RAD51AP2: variants seen among roughly 807,000 people sequenced by gnomAD.
RAD51AP2 encodes RAD51 associated protein 2.
RAD51AP2 carries 67 observed loss-of-function variants against 85.5 expected under a neutral mutation model. That is an observed-to-expected ratio of 0.78 (90% confidence interval 0.64 to 0.96). The LOEUF (loss-of-function observed/expected upper bound fraction) is 0.96, where lower values mean the gene tolerates loss of function less well. RAD51AP2 is among the 40% of genes least tolerant of loss of function. RAD51AP2 has a pLI of 0.00. For missense variants in RAD51AP2, 1,307 were observed against 1,332.4 expected (o/e 0.98, Z 0.30); for synonymous variants, 474 against 446.5 (o/e 1.06, Z -0.78).
chr2:17,532,958 T>C, the RAD51AP2 span, among the ~76,000 whole-genome samples: 1 of 152,226 alleles, frequency 6.6e-6, no homozygotes, highest in Non-Finnish European at 1.5e-5. Flanking sequence ...CAAGTGCTGT[T>C]TGACAATACT....
intron 2 of RAD51AP2, among the ~76,000 whole-genome samples, chr2:17,512,326 T>C (rs1046669257): frequency 5.3e-5 from 8 of 152,206 alleles, no homozygotes; most frequent in African/African-American, 1.9e-4. Flanking sequence ...ATTAACCCCA[T>C]TCCCCAGTAT....
chr2:17,511,811 A>C (rs1662501292), intron 2 of RAD51AP2, among the ~76,000 whole-genome samples: 1 of 152,224 alleles, frequency 6.6e-6, no homozygotes. Flanking sequence ...ATACAGAATT[A>C]AGCTACATGT....
the RAD51AP2 span, among the ~76,000 whole-genome samples, chr2:17,532,774 A>G: frequency 2.6e-5 from 4 of 152,216 alleles, no homozygotes; most frequent in Admixed American, 2.0e-4. Context: ...TGCATATGAA[A>G]AGTTATTAAT....
At chr2:17,518,695 C>A (rs10190213), upstream of RAD51AP2, among the ~76,000 whole-genome samples, 4,204 of 151,642 alleles carry the variant, frequency 0.028, 179 homozygotes, top group African/African-American at 0.096. Context: ...CTATTTTTAG[C>A]GCCTTTTTCT....
In RAD51AP2 at chr2:17,516,596, C is replaced by T. The variant is rs1285440472; in HGVS notation, c.1820G>A (p.Cys607Tyr). 5 of 1,579,488 alleles carry T rather than the reference C, an allele frequency of 3.2e-6. No individual in the cohort carries two copies. Among genetic ancestry groups the T allele is most frequent in the Non-Finnish European group, 4.3e-6 (5 of 1,165,090 alleles). The stretch of plus-strand genomic sequence containing the variant: ...CAAATAAAGCATGCACTTGAAAATG[C>T]ATTCCTCTTCTAATTCAAAATCATT... ...IENDFELEEE[C>Y]IFKCMLYLKY... The change falls in exon 1 of 3, where the codon TGC becomes TAC. Residue 607 changes from cysteine to tyrosine, a missense_variant. By Grantham distance (194) the Cys-to-Tyr change is radical. Coordinates refer to ENST00000399080, the MANE Select transcript of RAD51AP2 (RefSeq NM_001099218.3).
chr2:17,527,276 A>G, the RAD51AP2 span, among the ~76,000 whole-genome samples: 5 of 152,212 alleles, frequency 3.3e-5, no homozygotes, highest in African/African-American at 9.6e-5. Context: ...GAAGGGAGGA[A>G]CAAGGGAAGG....
chr2:17,516,146 T>C lies in RAD51AP2; in HGVS notation c.2270A>G (p.Asn757Ser). Reference protein sequence around the residue: ...GYINENFYEVNMHSQDLNMER... With the variant: ...GYINENFYEVSMHSQDLNMER... ...CATATTTAAATCTTGGCTGTGCATA[T>C]TTACTTCATAAAAATTTTCATTAAT... Residue 757 changes from asparagine (N) to serine (S), a missense_variant, in exon 1 of 3, where the codon AAT becomes AGT. By Grantham distance (46) the Asn-to-Ser change is conservative (BLOSUM62 1). This residue lies in a region of RAD51AP2 where 668 missense variants were observed against 671.0 expected (regional missense o/e 1.00). Transcript: ENST00000399080. 2 of 1,613,050 alleles carry C rather than the reference T, an allele frequency of 1.2e-6. No individual in the cohort carries two copies. Among genetic ancestry groups the C allele is most frequent in the Non-Finnish European group, 1.7e-6 (2 of 1,179,584 alleles).
Position 17,517,222 on chromosome 2 carries a change from G to T in RAD51AP2, c.1194C>A (p.Asn398Lys), listed in dbSNP as rs768229345. 6.2e-7 allele frequency: 1 copy of T among 1,613,410 alleles called. No individual in the cohort carries two copies. Among genetic ancestry groups the T allele is most frequent in the Non-Finnish European group, 8.5e-7 (1 of 1,179,808 alleles). ...RLEKSQNWDC[N>K]VRHILRRNRG... ...TATTTCTTCTCAAAATATGTCTAAC[G>T]TTACAGTCCCAGTTTTGAGATTTTT... The change falls in exon 1 of 3, where the codon AAC (asparagine) becomes AAA (lysine). Residue 398 changes from asparagine (N) to lysine (K), a missense_variant. Physicochemically the swap from Asn to Lys is moderately conservative, Grantham distance 94 (BLOSUM62 0). This residue lies in a region of RAD51AP2 where 635 missense variants were observed against 643.6 expected (regional missense o/e 0.99). Transcript: ENST00000399080.
At chr2:17,512,513 C>T (rs1662521191) in intron 2 of RAD51AP2, among the ~76,000 whole-genome samples, 1 of 152,206 alleles carries the variant, frequency 6.6e-6, no homozygotes. Flanking sequence ...GGCAGAATCA[C>T]ATTGTTATAT....
At chr2:17,518,533 A>G, upstream of RAD51AP2, 1 of 1,349,342 alleles carries the variant, frequency 7.4e-7, no homozygotes, top group South Asian at 1.4e-5. Flanking sequence ...CCTTAGCCTA[A>G]TCTCAGGGTT....
rs200406177 is a variant in RAD51AP2 at position 17,510,863 on chromosome 2, T to C, written c.3421A>G (p.Lys1141Glu). 1.2e-6 allele frequency: 2 copies of C among 1,609,096 alleles called. No individual in the cohort carries two copies. The highest frequency in any genetic ancestry group is 3.4e-5 in the Admixed American group (2 of 59,642). ...RIGLSRKARI[K>E]QLHPYLKQMC... ...TGTTTCAGATAAGGATGAAGTTGTTTAATCCTTGCTTTTCTTGACAAACCA... is the reference window on the plus strand; with the variant it reads ...TGTTTCAGATAAGGATGAAGTTGTTCAATCCTTGCTTTTCTTGACAAACCA... Residue 1141 changes from lysine to glutamate, a missense_variant, in exon 3 of 3, where the codon AAA (lysine) becomes GAA (glutamate). By Grantham distance (56) the Lys-to-Glu change is moderately conservative. Coordinates refer to ENST00000399080, the MANE Select transcript of RAD51AP2 (RefSeq NM_001099218.3).
the RAD51AP2 span, among the ~76,000 whole-genome samples, chr2:17,526,012 A>G: frequency 6.6e-6 from 1 of 152,002 alleles, no homozygotes; most frequent in Non-Finnish European, 1.5e-5. Context: ...AAAAGGTAAG[A>G]AAGAGAAGCA....
At chr2:17,513,288 A>C (rs1572291485) in intron 2 of RAD51AP2, among the ~76,000 whole-genome samples, 1 of 128,252 alleles carries the variant, frequency 7.8e-6, no homozygotes, top group Non-Finnish European at 1.6e-5. Flanking sequence ...CCCAGGCTGG[A>C]GTGCAGTGGC....
chr2:17,537,119 A>G, the RAD51AP2 span, among the ~76,000 whole-genome samples: 2 of 152,218 alleles, frequency 1.3e-5, no homozygotes, highest in Admixed American at 1.3e-4. Context: ...CAGGAGTTTC[A>G]GACCAGCCTG....
At chr2:17,525,525 A>T in the RAD51AP2 span, among the ~76,000 whole-genome samples, 1 of 152,094 alleles carries the variant, frequency 6.6e-6, no homozygotes, top group African/African-American at 2.4e-5. Flanking sequence ...TCTCAAAGAT[A>T]ATTATGCCCT....
At chr2:17,519,594 C>G (rs541250119), upstream of RAD51AP2, among the ~76,000 whole-genome samples, 2 of 152,218 alleles carry the variant, frequency 1.3e-5, no homozygotes, top group South Asian at 2.1e-4. Context: ...AAGATGTTCA[C>G]CAGTTTCATG....
the RAD51AP2 span, among the ~76,000 whole-genome samples, chr2:17,530,557 C>A: frequency 3.9e-5 from 5 of 127,624 alleles, no homozygotes; most frequent in African/African-American, 1.6e-4. Flanking sequence ...CTGGATCCAG[C>A]CTGGGAAATA....
chr2:17,518,155 G>A lies in RAD51AP2; in HGVS notation c.261C>T (p.Asp87=). ...CACTGACTGATTTCTCCACACACGA[G>A]TCTGTGGAGTTATCGAAAATAGCAT... The part of the protein sequence containing the change: ...STNAIFDNST[D]SCVEKSVSGK... Residue 87 remains aspartate (D), a synonymous_variant, in exon 1 of 3, where the codon GAC becomes GAT. Transcript: ENST00000399080. 6.2e-7 allele frequency: 1 copy of A among 1,614,186 alleles called. No homozygotes were observed. Among genetic ancestry groups the A allele is most frequent in the South Asian group, 1.1e-5 (1 of 91,084 alleles).
chr2:17,513,686 A>G (rs543281784), intron 2 of RAD51AP2, among the ~76,000 whole-genome samples: 7 of 152,342 alleles, frequency 4.6e-5, no homozygotes, highest in African/African-American at 1.4e-4. Flanking sequence ...TCTCTATCAG[A>G]GAGCATGGTC....
Sources: allele counts gnomAD v4.1 joint callset (sites outside exome capture counted in the v4.1 genomes callset), GRCh38; gene constraint gnomAD v4.1.1; regional missense constraint gnomAD v4.1.1; transcripts MANE v1.5; gene names NCBI Gene and HGNC (gene_info 2026-07-23, HGNC 2026-07-21).